The following FYB1 variants were observed in gnomAD, a reference collection of about 807,000 sequenced individuals.
The protein encoded by FYB1 is FYN binding protein 1.
Under a neutral mutation model 94.1 loss-of-function variants are expected in FYB1, and 41 were observed. The observed-to-expected ratio is 0.44, with a 90% confidence interval of 0.34 to 0.57. The LOEUF (loss-of-function observed/expected upper bound fraction) is 0.57. FYB1 is among the 20% of genes least tolerant of loss of function. The pLI, the probability that FYB1 is intolerant of heterozygous loss-of-function variation, is 0.02. For missense variants in FYB1, 1,050 were observed against 976.8 expected, an observed-to-expected ratio of 1.07 and a Z score of -1.00; for synonymous variants, 367 against 353.2, an observed-to-expected ratio of 1.04 and a Z score of -0.44.
In FYB1 at chr5:39,119,704, A is replaced by G; in HGVS notation, c.2139-70T>C. The G allele has an allele frequency of 3.7e-6, 5 of 1,350,832 alleles. No homozygotes were observed. The South Asian group carries it at 1.0e-4, about 27-fold the overall frequency. The allele number at this position is 1,350,832 out of a possible 1,614,324, so 83.7% of individuals were successfully genotyped here. On this transcript the variant is annotated intron_variant, in intron 14 of 18. Transcript: ENST00000512982. ...TTAAAAAGAATAGTCCATAACAGAG[A>G]CGATTCATAGCATTATATTTTTAAC...
chr5:39,171,843 T>C (rs147155045), intron 2 of FYB1, among the ~76,000 whole-genome samples: 197 of 152,324 alleles, frequency 1.3e-3, no homozygotes, highest in Non-Finnish European at 1.7e-3. Flanking sequence ...GCCAAACATT[T>C]GCTGAAGTAA....
At chr5:39,187,282 A>G (rs913008541) in intron 2 of FYB1, among the ~76,000 whole-genome samples, 3 of 152,250 alleles carry the variant, frequency 2.0e-5, no homozygotes, top group Middle Eastern at 3.2e-3. Context: ...TGTCTACAGC[A>G]TGAAAACTTG....
At position 39,141,072 on chromosome 5, in the gene FYB1, T is replaced by A. The variant is rs767185880; in HGVS notation, c.1339+23A>T. 3.1e-5 allele frequency: 47 copies of A among 1,517,364 alleles called. 1 individual carries two copies. The highest frequency in any genetic ancestry group is 4.0e-5 in the Non-Finnish European group (44 of 1,112,446). The allele number at this position is 1,517,364 out of a possible 1,614,324, so 94.0% of individuals were successfully genotyped here. A position where few individuals can be genotyped will look rare whatever the true frequency, so the allele number is the denominator to read the frequency against. On this transcript the variant is annotated intron_variant, in intron 4 of 18. Coordinates refer to ENST00000512982, the MANE Select transcript of FYB1 (RefSeq NM_001465.6). Reference sequence around the variant, plus strand: ...GTACCTGAGTTTACAAATAAATAAATAAAATATGTTTTTGTCGTTTACCAT... The same window carrying A: ...GTACCTGAGTTTACAAATAAATAAAAAAAATATGTTTTTGTCGTTTACCAT...
At chr5:39,145,366 T>C (rs1742552670) in intron 3 of FYB1, among the ~76,000 whole-genome samples, 1 of 152,168 alleles carries the variant, frequency 6.6e-6, no homozygotes, top group Admixed American at 6.5e-5. Context: ...AATATGTTAA[T>C]ATATACACGC....
chr5:39,144,766 C>A (rs1742496761), intron 3 of FYB1, among the ~76,000 whole-genome samples: 1 of 152,112 alleles, frequency 6.6e-6, no homozygotes, highest in Non-Finnish European at 1.5e-5. Context: ...CGTGCCACTG[C>A]ACTCTAGACT....
In FYB1 at chr5:39,107,401, A is replaced by T; in HGVS notation, c.*42T>A. ...ATGCCAATTAAAATCCAGACTTCAC[A>T]TTGGCACCTAATGAACACAGCAGAA... is the stretch of plus-strand genomic sequence containing the variant. On this transcript the variant is annotated 3_prime_UTR_variant, in exon 19 of 19. Transcript: ENST00000512982. 7.0e-7 allele frequency: 1 copy of T among 1,435,728 alleles called. No individual in the cohort carries two copies. The highest frequency in any genetic ancestry group is 9.3e-7 in the Non-Finnish European group (1 of 1,074,678). 88.9% of individuals were successfully genotyped at this position (1,435,728 alleles called of 1,614,324 possible).
intron 1 of FYB1, among the ~76,000 whole-genome samples, chr5:39,247,097 TA>T (rs1751512112): frequency 7.1e-6 from 1 of 141,648 alleles, no homozygotes; most frequent in African/African-American, 2.6e-5. Flanking sequence ...TATATATATA[TA>T]TATATATATA....
intron 2 of FYB1, among the ~76,000 whole-genome samples, chr5:39,183,097 A>G (rs1236703059): frequency 6.6e-6 from 1 of 152,056 alleles, no homozygotes; most frequent in African/African-American, 2.4e-5. Context: ...ATCTCGGCTC[A>G]TCGTAACCTC....
chr5:39,207,284 T>G (rs183513438), intron 1 of FYB1, among the ~76,000 whole-genome samples: 28 of 152,334 alleles, frequency 1.8e-4, no homozygotes, highest in Non-Finnish European at 3.4e-4. Flanking sequence ...TCACAAACAT[T>G]GCTCACAAAC....
At chr5:39,218,265 T>G (rs1344654667) in intron 1 of FYB1, among the ~76,000 whole-genome samples, 7 of 152,242 alleles carry the variant, frequency 4.6e-5, no homozygotes, top group Non-Finnish European at 1.0e-4. Context: ...AGGATCGCCT[T>G]TAATGGTACA....
At chr5:39,138,354 A>G (rs939006132) in intron 6 of FYB1, 3 of 234,350 alleles carry the variant, frequency 1.3e-5, no homozygotes, top group Non-Finnish European at 2.5e-5. Flanking sequence ...AAATTAACTC[A>G]TCTGCCCAAG....
intron 3 of FYB1, among the ~76,000 whole-genome samples, chr5:39,142,620 CACTTT>C (rs1442376154): frequency 2.6e-5 from 4 of 152,334 alleles, no homozygotes; most frequent in Admixed American, 6.5e-5. Context: ...ACAAACACTT[CACTTT>C]ACCTCTGTGA....
chr5:39,141,618 C>T (rs767716839), intron 3 of FYB1, among the ~76,000 whole-genome samples: 22 of 152,074 alleles, frequency 1.4e-4, no homozygotes, highest in Admixed American at 2.0e-4. Flanking sequence ...GGCAAAACAC[C>T]GTCTCTCCTA....
chr5:39,185,394 C>T (rs969428667), intron 2 of FYB1, among the ~76,000 whole-genome samples: 2 of 151,600 alleles, frequency 1.3e-5, no homozygotes, highest in South Asian at 2.1e-4. Flanking sequence ...AAATGTCTTA[C>T]CAATGTTTTC....
chr5:39,159,929 GAAC>G lies in FYB1; in HGVS notation c.1136-6328_1136-6326del, dbSNP rs544048381. Among the ~76,000 whole-genome samples, 9 of 152,148 alleles carry G rather than the reference GAAC, an allele frequency of 5.9e-5. No homozygotes were observed. In the South Asian group the frequency reaches 1.9e-3, roughly 32 times the overall value. On this transcript the variant is annotated intron_variant, in intron 2 of 18. Transcript: ENST00000512982. ...GTCTGATATCTTCAACTCTATAGAA[GAAC>G]AACAGTATCCTTTTTTAACCTCTTC... is the stretch of plus-strand genomic sequence containing the variant.
chr5:39,227,583 T>A (rs1407762319), intron 1 of FYB1, among the ~76,000 whole-genome samples: 3 of 152,236 alleles, frequency 2.0e-5, no homozygotes, highest in Non-Finnish European at 4.4e-5. Context: ...ATTTTAATTT[T>A]TAAAAATGAT....
At position 39,128,335 on chromosome 5, in the gene FYB1, A is replaced by T. The variant is rs77747250; in HGVS notation, c.1841-528T>A. Reference sequence around the variant, plus strand: ...TTTGTTATTCTATGCTCTTCAGGAAACTTGCAATTTGACAGATATTTACTT... The same window carrying T: ...TTTGTTATTCTATGCTCTTCAGGAATCTTGCAATTTGACAGATATTTACTT... On this transcript the variant is annotated intron_variant, in intron 10 of 18. Coordinates refer to ENST00000512982, the MANE Select transcript of FYB1 (RefSeq NM_001465.6). Among the ~76,000 whole-genome samples the T allele has an allele frequency of 6.4e-3, 977 of 152,248 alleles. 26 individuals are homozygous for T. Among genetic ancestry groups the T allele is most frequent in the Admixed American group, 0.048 (731 of 15,270 alleles).
intron 1 of FYB1, among the ~76,000 whole-genome samples, chr5:39,217,747 G>A (rs1196672427): frequency 6.6e-6 from 1 of 152,142 alleles, no homozygotes; most frequent in Non-Finnish European, 1.5e-5. Context: ...ACCCGCCAGC[G>A]AGCCACGGTT....
intron 1 of FYB1, among the ~76,000 whole-genome samples, chr5:39,273,313 C>T (rs1330791819): frequency 6.6e-6 from 1 of 151,590 alleles, no homozygotes; most frequent in Non-Finnish European, 1.5e-5. Context: ...AATTCTTCTG[C>T]CTTGGAAAAA....
Sources: allele counts gnomAD v4.1 joint callset (sites outside exome capture counted in the v4.1 genomes callset), GRCh38; gene constraint gnomAD v4.1.1; transcripts MANE v1.5; gene names NCBI Gene and HGNC (gene_info 2026-07-23, HGNC 2026-07-21).